The following ITIH6 variants were observed in gnomAD, a reference collection of about 807,000 sequenced individuals.
The protein encoded by ITIH6 is inter-alpha-trypsin inhibitor heavy chain family member 6.
In ITIH6, 60 loss-of-function variants were observed where a neutral mutation model predicts 58.2. That is an observed-to-expected ratio of 1.03 (90% CI 0.84 to 1.28). The LOEUF (loss-of-function observed/expected upper bound fraction) is 1.28. Among genes scored for constraint, ITIH6 ranks in the 50% most tolerant of loss-of-function variants. The probability of loss-of-function intolerance (pLI) is 0.00; values close to 1 mark genes in which losing one functional copy is unlikely to be tolerated. For synonymous variants in ITIH6, 493 were observed against 417.4 expected (o/e 1.18, Z -2.21); for missense variants, 1,290 against 1,021.1 (o/e 1.26, Z -3.59).
At position 54,772,022 on chromosome X, in the gene ITIH6, G is replaced by T. The variant is rs141371561; in HGVS notation, c.903+2059C>A. ...GTATATACCCAAAGGAATGTAAGTC[G>T]TTCTACCATAAAGACTCATGCACAT... On this transcript the variant is annotated intron_variant, in intron 6 of 12. Transcript: ENST00000218436. Among the ~76,000 whole-genome samples the T allele has an allele frequency of 3.5e-3, 388 of 111,873 alleles. 3 individuals carry two copies. Among genetic ancestry groups the T allele is most frequent in the African/African-American group, 0.011 (333 of 30,769 alleles).
chrX:54,750,112 G>T lies in ITIH6; in HGVS notation c.3731-6C>A. 8.4e-7 allele frequency: 1 copy of T among 1,187,121 alleles called. No individual in the cohort carries two copies. Among genetic ancestry groups the T allele is most frequent in the Non-Finnish European group, 1.1e-6 (1 of 877,729 alleles). On this transcript the variant is annotated splice_region_variant and splice_polypyrimidine_tract_variant and intron_variant, in intron 12 of 12. Coordinates refer to ENST00000218436, the MANE Select transcript of ITIH6 (RefSeq NM_198510.3). ...GTCTGCGTGCTGGAACTGCCCTGAG[G>T]GAGAGAGATGCAGTGCTAGTCAGGG...
chrX:54,797,384 A>G (rs1252201578), intron 1 of ITIH6, among the ~76,000 whole-genome samples: 1 of 111,867 alleles, frequency 8.9e-6, no homozygotes, highest in African/African-American at 3.3e-5. Context: ...TCTCCTGGAA[A>G]GCTTGTTAAA....
intron 3 of ITIH6, 103 bp downstream of exon 3, chrX:54,791,823 C>G: frequency 2.1e-6 from 1 of 481,506 alleles, no homozygotes; most frequent in Non-Finnish European, 3.7e-6. Flanking sequence ...GGTCATGTCC[C>G]CACTCTGCAG....
Position 54,759,780 on chromosome X carries a change from G to T in ITIH6, c.1051C>A (p.Leu351Met). The change falls in exon 7 of 13, where the codon CTG becomes ATG. Residue 351 changes from leucine (L) to methionine (M), a missense_variant. Physicochemically the swap from Leu to Met is conservative, Grantham distance 15. Transcript: ENST00000218436. ...IQNVHSAKDY[L>M]HCMEADGWTD... ...CAGCCATCGGCTTCCATGCAATGCA[G>T]GTAGTCCTTGGCACTGTGGACATTC... The T allele has an allele frequency of 8.3e-7, 1 of 1,209,912 alleles. No individual in the cohort carries two copies. The highest frequency in any genetic ancestry group is 1.1e-6 in the Non-Finnish European group (1 of 894,525).
chrX:54,750,996 C>T lies in ITIH6; in HGVS notation c.3730+7G>A. 1 of 1,146,118 alleles carries T rather than the reference C, an allele frequency of 8.7e-7. No individual in the cohort carries two copies. Among genetic ancestry groups the T allele is most frequent in the Non-Finnish European group, 1.2e-6 (1 of 861,366 alleles). 94.5% of individuals were successfully genotyped at this position (1,146,118 alleles called of 1,213,427 possible). A position where few individuals can be genotyped will look rare whatever the true frequency, so the allele number is the denominator to read the frequency against. On this transcript the variant is annotated splice_region_variant and intron_variant, in intron 12 of 12. Coordinates refer to ENST00000218436, the MANE Select transcript of ITIH6 (RefSeq NM_198510.3). ...CCCTGGCCCCTCTCAGCCTCAGCTG[C>T]ACTTACCTATCAGGCCACGGGCTGA...
Position 54,757,806 on chromosome X carries a change from G to A in ITIH6, c.2268C>T (p.Ser756=), listed in dbSNP as rs959056161. 6.6e-6 allele frequency: 8 copies of A among 1,208,932 alleles called. No homozygotes were observed. The highest frequency in any genetic ancestry group is 4.4e-5 in the Admixed American group (2 of 45,678). ...GTTTCACAGGTGGGACTTGTGTCCT[G>A]GAGTTCGTGGGTAATATATCAGGAT... ...HQNPDILPTN[S]RTQVPPVKPG... is the part of the protein sequence containing the mutation. Residue 756 remains serine, a synonymous_variant, in exon 8 of 13, where the codon TCC becomes TCT. Transcript: ENST00000218436.
chrX:54,792,040 A>C lies in ITIH6; in HGVS notation c.258-4T>G, dbSNP rs760345018. On this transcript the variant is annotated splice_polypyrimidine_tract_variant and splice_region_variant and intron_variant, in intron 2 of 12. Coordinates refer to ENST00000218436, the MANE Select transcript of ITIH6 (RefSeq NM_198510.3). ...GTAGACTTTATTGTTGATGGTCCTA[A>C]TGGGGCAGGAAAGAGGAGGGACAGT... 6.0e-6 allele frequency: 7 copies of C among 1,173,787 alleles called. No homozygotes were observed. In the African/African-American group the frequency reaches 1.1e-4, roughly 18 times the overall value.
rs1403604332 is a variant in ITIH6, at chrX:54,757,985, G to T, written c.2089C>A (p.Leu697Met). The change falls in exon 8 of 13, where the codon CTG (leucine) becomes ATG (methionine). Residue 697 changes from leucine (L) to methionine (M), a missense_variant. Transcript: ENST00000218436. ...GCCTTTGGGTATGTGGGCATTGACAGGGTATGAGGGCTCTCTCCCAATGGC... is the reference window on the plus strand; with the variant it reads ...GCCTTTGGGTATGTGGGCATTGACATGGTATGAGGGCTCTCTCCCAATGGC... ...LEPLGESPHTLSMPTYPKAKI... is the reference protein window; with the variant it reads ...LEPLGESPHTMSMPTYPKAKI... 1 of 1,211,925 alleles carries T rather than the reference G, an allele frequency of 8.3e-7. No homozygotes were observed. Among genetic ancestry groups the T allele is most frequent in the East Asian group, 3.0e-5 (1 of 33,840 alleles).
intron 5 of ITIH6, among the ~76,000 whole-genome samples, chrX:54,777,603 C>CAGAGAG (rs56091331): frequency 9.2e-6 from 1 of 109,008 alleles, no homozygotes; most frequent in Non-Finnish European, 1.9e-5. Context: ...TGGCTCACAA[C>CAGAGAG]AGAGAGAGAG....
At chrX:54,769,139 T>G (rs1474865821) in intron 6 of ITIH6, among the ~76,000 whole-genome samples, 2 of 90,786 alleles carry the variant, frequency 2.2e-5, no homozygotes, top group Non-Finnish European at 4.2e-5. Context: ...TCATCTTCCA[T>G]TGCTGATACC....
Position 54,788,769 on chromosome X carries a change from A to G in ITIH6, c.617-120T>C. The G allele has an allele frequency of 5.5e-6, 3 of 547,004 alleles. 1 individual carries two copies. Among genetic ancestry groups the G allele is most frequent in the Admixed American group, 3.0e-5 (1 of 33,623 alleles). 45.1% of individuals were successfully genotyped at this position (547,004 alleles called of 1,213,427 possible). On this transcript the variant is annotated intron_variant, in intron 4 of 12. Transcript: ENST00000218436. The stretch of plus-strand genomic sequence containing the variant: ...AGGGTGAGAAGTCTAACTCTTCCCC[A>G]AACCTCTGGTGCCTCCTGCCTACAT...
In ITIH6 at chrX:54,751,293, A is replaced by T. The variant is rs375909411; in HGVS notation, c.3440T>A (p.Val1147Asp). 46 of 1,209,867 alleles carry T rather than the reference A, an allele frequency of 3.8e-5. No homozygotes were observed. Among genetic ancestry groups the T allele is most frequent in the Non-Finnish European group, 4.9e-5 (44 of 895,093 alleles). ...ATAGGCCCGGGGTTTGTCTGTAGTG[A>T]CTGTGATGATCTGGAAGTAGGTGCG... The part of the protein sequence containing the change: ...QTRTYFQIIT[V>D]TTDKPRAYTI... The change falls in exon 12 of 13, where the codon GTC becomes GAC. Residue 1147 changes from valine to aspartate, a missense_variant. Coordinates refer to ENST00000218436, the MANE Select transcript of ITIH6 (RefSeq NM_198510.3).
At chrX:54,780,511 C>A (rs1759598334) in intron 5 of ITIH6, among the ~76,000 whole-genome samples, 1 of 111,850 alleles carries the variant, frequency 8.9e-6, no homozygotes, top group Non-Finnish European at 1.9e-5. Flanking sequence ...CTATGAGATA[C>A]AGCAAAAGCA....
chrX:54,770,935 AT>A (rs1204803528), intron 6 of ITIH6, among the ~76,000 whole-genome samples: 2 of 108,968 alleles, frequency 1.8e-5, no homozygotes, highest in Non-Finnish European at 3.8e-5. Context: ...GAAAGTCTTT[AT>A]TTTTTTTTCA....
At chrX:54,771,208 G>A (rs1042536186) in intron 6 of ITIH6, among the ~76,000 whole-genome samples, 1 of 111,618 alleles carries the variant, frequency 9.0e-6, no homozygotes, top group African/African-American at 3.3e-5. Flanking sequence ...AAGCTTCTTA[G>A]ACCTGAGGTT....
intron 6 of ITIH6, among the ~76,000 whole-genome samples, chrX:54,770,029 A>C (rs1384468461): frequency 1.8e-5 from 2 of 111,453 alleles, no homozygotes; most frequent in Non-Finnish European, 3.8e-5. Flanking sequence ...GCAATCAGCG[A>C]GATTCCGTGG....
intron 5 of ITIH6, among the ~76,000 whole-genome samples, chrX:54,782,442 A>G (rs1183706529): frequency 9.0e-6 from 1 of 111,288 alleles, no homozygotes; most frequent in Non-Finnish European, 1.9e-5. Context: ...ATAATTAAAT[A>G]AAAATAACTA....
chrX:54,763,067 C>T (rs931163504), intron 6 of ITIH6, among the ~76,000 whole-genome samples: 1 of 112,054 alleles, frequency 8.9e-6, no homozygotes, highest in Non-Finnish European at 1.9e-5. Context: ...TTCAAATACA[C>T]ATTTGGGAGG....
At position 54,758,109 on chromosome X, in the gene ITIH6, C is replaced by T. The variant is rs1239864266; in HGVS notation, c.1965G>A (p.Lys655=). Residue 655 remains lysine (K), a synonymous_variant, in exon 8 of 13, where the codon AAG becomes AAA. Coordinates refer to ENST00000218436, the MANE Select transcript of ITIH6 (RefSeq NM_198510.3). ...VSTAQPALVP[K]VISPKSRPVK... is the part of the protein sequence containing the mutation. Reference sequence around the variant, plus strand: ...CAGGCCTTGATTTGGGGGAGATGACCTTGGGCACCAAGGCTGGCTGAGCTG... The same window carrying T: ...CAGGCCTTGATTTGGGGGAGATGACTTTGGGCACCAAGGCTGGCTGAGCTG... 1.7e-6 allele frequency: 2 copies of T among 1,209,716 alleles called. No homozygotes were observed. Among genetic ancestry groups the T allele is most frequent in the African/African-American group, 3.5e-5 (2 of 57,003 alleles).
Sources: gnomAD v4.1 joint callset for allele counts (sites outside exome capture counted in the v4.1 genomes callset) on GRCh38, gnomAD v4.1.1 for gene constraint, MANE v1.5 for transcripts, NCBI Gene and HGNC (gene_info 2026-07-23, HGNC 2026-07-21) for gene names.